CSTF2: variants seen among roughly 807,000 people sequenced by gnomAD.
CSTF2 encodes CF-1 64 kDa subunit.
Under a neutral mutation model 45.4 loss-of-function variants are expected in CSTF2, and 8 were observed. The ratio of observed to expected loss-of-function variants is 0.18; its 90% CI spans 0.10 to 0.32. The LOEUF (loss-of-function observed/expected upper bound fraction) is 0.32, where lower values mean the gene tolerates loss of function less well. Among genes scored for constraint, CSTF2 ranks in the 10% least tolerant of loss-of-function variants. The pLI is 1.00. For missense variants in CSTF2, 253 were observed against 477.1 expected (o/e 0.53, Z 4.38); for synonymous variants, 155 against 158.9 (o/e 0.98, Z 0.18).
chrX:100,837,894 G>A (rs927052125), intron 12 of CSTF2, among the ~76,000 whole-genome samples: 2 of 111,755 alleles, frequency 1.8e-5, no homozygotes, highest in African/African-American at 6.5e-5. Flanking sequence ...TTCAAAACAG[G>A]ATTAAAACTT....
intron 1 of CSTF2, chrX:100,820,789 C>T: frequency 2.5e-6 from 1 of 403,183 alleles, no homozygotes; most frequent in Non-Finnish European, 4.7e-6. Flanking sequence ...TACTACTTCT[C>T]ATCCTCTGCC....
intron 13 of CSTF2, 70 bp downstream of exon 13, chrX:100,838,434 T>C: frequency 3.0e-6 from 3 of 1,016,386 alleles, no homozygotes; most frequent in Non-Finnish European, 3.9e-6. Flanking sequence ...CTTTTAACCT[T>C]AACCAACAAG....
Position 100,833,189 on chromosome X carries a change from A to G in CSTF2, c.1217A>G (p.Asp406Gly). Residue 406 changes from aspartate to glycine, a missense_variant, in exon 11 of 14, where the codon GAT becomes GGT. By Grantham distance (94) the Asp-to-Gly change is moderately conservative. Transcript: ENST00000372972. ...ACATTTTTCTTTATAGGTGGAAGGG[A>G]TCCCCGAGGAATAGATGCACGAGGG... ...GPPLDGRGGR[D>G]PRGIDARGME... 1 of 1,209,137 alleles carries G rather than the reference A, an allele frequency of 8.3e-7. No homozygotes were observed. Among genetic ancestry groups the G allele is most frequent in the Non-Finnish European group, 1.1e-6 (1 of 893,784 alleles).
At chrX:100,822,493 A>G in intron 3 of CSTF2, 73 bp downstream of exon 3, 3 of 1,041,290 alleles carry the variant, frequency 2.9e-6, no homozygotes, top group South Asian at 2.1e-5. Flanking sequence ...CATTTCTGAT[A>G]TGTTTTAGAA....
At chrX:100,837,248 T>C in intron 11 of CSTF2, 91 bp from the exon 12 acceptor site, 1 of 551,505 alleles carries the variant, frequency 1.8e-6, no homozygotes, top group Non-Finnish European at 2.9e-6. Context: ...CATATCTGTA[T>C]AGAGATCATA....
At chrX:100,823,479 A>G (rs1209273850) in intron 4 of CSTF2, 51 bp downstream of exon 4, 1 of 1,181,438 alleles carries the variant, frequency 8.5e-7, no homozygotes, top group African/African-American at 1.8e-5. Context: ...CAGGTTTTCA[A>G]GGAGTTACTT....
Position 100,831,531 on chromosome X carries a change from C to A in CSTF2, c.906C>A (p.Pro302=). Residue 302 remains proline (P), a synonymous_variant, in exon 9 of 14, where the codon CCC becomes CCA. Transcript: ENST00000372972. ...CCCTGTCAGTGCCGATGCAAGACCC[C>A]AGAGCAGCTATGCAGCGGGGATCCT... ...MERGQVPMQD[P]RAAMQRGSLP... 8.3e-7 allele frequency: 1 copy of A among 1,211,862 alleles called. No homozygotes were observed. Among genetic ancestry groups the A allele is most frequent in the Non-Finnish European group, 1.1e-6 (1 of 895,505 alleles).
intron 11 of CSTF2, among the ~76,000 whole-genome samples, chrX:100,834,135 G>A (rs2084993647): frequency 9.0e-6 from 1 of 111,499 alleles, no homozygotes; most frequent in South Asian, 3.8e-4. Context: ...TCTCGACTTG[G>A]TTGTGGAGAG....
intron 13 of CSTF2, 91 bp downstream of exon 13, chrX:100,838,455 C>G: frequency 1.1e-6 from 1 of 893,817 alleles, no homozygotes; most frequent in Non-Finnish European, 1.5e-6. Flanking sequence ...ATTGTTCTCT[C>G]AGCGGCCCTC....
intron 11 of CSTF2, among the ~76,000 whole-genome samples, chrX:100,834,488 T>G (rs904258351): frequency 8.9e-6 from 1 of 112,336 alleles, no homozygotes; most frequent in African/African-American, 3.2e-5. Context: ...CATTTGTGTG[T>G]GTGTATATGT....
intron 6 of CSTF2, among the ~76,000 whole-genome samples, chrX:100,825,339 A>G (rs1295553558): frequency 1.8e-5 from 2 of 111,652 alleles, no homozygotes; most frequent in Admixed American, 9.6e-5. Flanking sequence ...AAGGCCTCCT[A>G]TAAATTAGTA....
chrX:100,830,322 A>G (rs2084967870), intron 8 of CSTF2, among the ~76,000 whole-genome samples: 1 of 112,415 alleles, frequency 8.9e-6, no homozygotes, highest in Non-Finnish European at 1.9e-5. Flanking sequence ...GTGCTTTAAA[A>G]TGTGACAAAA....
chrX:100,820,778 G>A, intron 1 of CSTF2: 1 of 415,791 alleles, frequency 2.4e-6, no homozygotes, highest in Non-Finnish European at 4.5e-6. Context: ...TCACTGTCCC[G>A]TACTACTTCT....
intron 1 of CSTF2, 152 bp downstream of exon 1, chrX:100,820,626 A>G (rs1257341972): frequency 3.4e-6 from 2 of 585,166 alleles, no homozygotes; most frequent in Admixed American, 2.6e-5. Flanking sequence ...TCATGAGCAA[A>G]GAGATATTCC....
chrX:100,837,769 T>A (rs1234802020), intron 12 of CSTF2, among the ~76,000 whole-genome samples: 2 of 112,121 alleles, frequency 1.8e-5, no homozygotes, highest in Non-Finnish European at 3.8e-5. Context: ...CTTTCTACTT[T>A]ATCCCTAAAA....
intron 13 of CSTF2, 78 bp from the exon 14 acceptor site, chrX:100,840,636 T>C (rs1446995724): frequency 1.8e-5 from 2 of 111,949 alleles, no homozygotes; most frequent in Non-Finnish European, 3.8e-5. Flanking sequence ...CTAGCCTTTT[T>C]ATTTTTTTTC....
chrX:100,826,743 C>A lies in CSTF2; in HGVS notation c.812C>A (p.Ser271Tyr). The change falls in exon 7 of 14, where the codon TCC (serine) becomes TAC (tyrosine). Residue 271 changes from serine to tyrosine, a missense_variant. This residue lies in a region of CSTF2 where 200 missense variants were observed against 294.0 expected (regional missense o/e 0.68). Coordinates refer to ENST00000372972, the MANE Select transcript of CSTF2 (RefSeq NM_001325.3). ...GCTGTCACAGGACCTGGCCCTGGTT[C>A]CTTAGCTCCTGGAGGTAAGTTTCAT... ...PAAVTGPGPGSLAPGGGMQAQ... is the reference protein window; with the variant it reads ...PAAVTGPGPGYLAPGGGMQAQ... 5.0e-6 allele frequency: 6 copies of A among 1,209,522 alleles called. No homozygotes were observed. The highest frequency in any genetic ancestry group is 6.7e-6 in the Non-Finnish European group (6 of 894,370).
At chrX:100,822,636 T>TTGAAA in intron 3 of CSTF2, 1 of 411,774 alleles carries the variant, frequency 2.4e-6, no homozygotes, top group Non-Finnish European at 4.2e-6. Flanking sequence ...CTGAAATTTC[T>TTGAAA]ATACCCTTGC....
At position 100,837,867 on chromosome X, in the gene CSTF2, T is replaced by C. The variant is rs1158535126; in HGVS notation, c.1612-372T>C. ...TATGTCTGATGGAAAGGCTAAAATT[T>C]GTGAAAAAGAGAGACTTTCAAAACA... On this transcript the variant is annotated intron_variant, in intron 12 of 13. Transcript: ENST00000372972. 2.7e-5 allele frequency among the ~76,000 whole-genome samples: 3 copies of C among 111,642 alleles called. 1 individual carries two copies. The Admixed American group carries it at 2.9e-4, about 11-fold the overall frequency.
Sources: allele counts gnomAD v4.1 joint callset (sites outside exome capture counted in the v4.1 genomes callset), GRCh38; gene constraint gnomAD v4.1.1; regional missense constraint gnomAD v4.1.1; transcripts MANE v1.5; gene names NCBI Gene and HGNC (gene_info 2026-07-23, HGNC 2026-07-21).